EVC2: variants seen among roughly 807,000 people sequenced by gnomAD.
EVC2 encodes EvC ciliary complex subunit 2.
Under a neutral mutation model 149.3 loss-of-function variants are expected in EVC2, and 148 were observed. The observed-to-expected ratio is 0.99, with a 90% CI of 0.87 to 1.14. The LOEUF is 1.14. EVC2 is among the 50% of genes most tolerant of loss of function. The pLI, the probability that EVC2 is intolerant of heterozygous loss-of-function variation, is 0.00. For synonymous variants in EVC2, 776 were observed against 649.9 expected, an observed-to-expected ratio of 1.19 and a Z score of -2.95; for missense variants, 1,854 against 1,627.3, an observed-to-expected ratio of 1.14 and a Z score of -2.40.
rs74527951 is a variant in EVC2 at position 5,625,044 on chromosome 4, C to T, written c.2046+705G>A. On this transcript the variant is annotated intron_variant, in intron 13 of 21. Coordinates refer to ENST00000344408, the MANE Select transcript of EVC2 (RefSeq NM_147127.5). The surrounding 1 kb of genome is among the most constrained non-coding windows in gnomAD (Gnocchi z 4.0). ...GGGTTTGTATTCCCAGGTTCCTCAA[C>T]TCCATCTGACATGGTGCTCACCTCA... is the stretch of plus-strand genomic sequence containing the variant. Among the ~76,000 whole-genome samples the T allele has an allele frequency of 0.052, 7,854 of 152,114 alleles. 662 individuals are homozygous for T. Among genetic ancestry groups the T allele is most frequent in the African/African-American group, 0.18 (7,416 of 41,434 alleles).
upstream of EVC2, chr4:5,709,365 G>C (rs1416002044): frequency 6.6e-6 from 1 of 152,240 alleles, no homozygotes; most frequent in East Asian, 1.9e-4. Context: ...ACCTGTTGAC[G>C]GGGGAGGGCT....
At chr4:5,600,007 A>G (rs143924873) in intron 16 of EVC2, among the ~76,000 whole-genome samples, 1 of 152,362 alleles carries the variant, frequency 6.6e-6, no homozygotes, top group African/African-American at 2.4e-5. Flanking sequence ...AGATACTTCT[A>G]CCACCCCTAT....
At chr4:5,700,232 G>C (rs1169854562) in intron 1 of EVC2, among the ~76,000 whole-genome samples, 2 of 152,218 alleles carry the variant, frequency 1.3e-5, no homozygotes, top group African/African-American at 4.8e-5. Flanking sequence ...TCTGCGCTAT[G>C]TGCTCGATTT....
intron 7 of EVC2, among the ~76,000 whole-genome samples, chr4:5,667,715 C>T (rs1260971541): frequency 6.6e-6 from 1 of 152,218 alleles, no homozygotes; most frequent in East Asian, 1.9e-4. Context: ...GGGGTTGTGA[C>T]AACTCATGTG....
At chr4:5,665,700 T>C in intron 7 of EVC2, 51 bp from the exon 8 acceptor site, 4 of 1,603,742 alleles carry the variant, frequency 2.5e-6, no homozygotes, top group Non-Finnish European at 3.4e-6. Context: ...ACAGCATGTC[T>C]CCCAGGCCTC....
In EVC2 at chr4:5,567,833, A is replaced by G. The variant is rs1199724488; in HGVS notation, c.3557+611T>C. The stretch of plus-strand genomic sequence containing the variant: ...TAATATCCACCTGTGCCACGTGTCA[A>G]TAACATTGAAAGAATAAAATTTAAA... On this transcript the variant is annotated intron_variant, in intron 20 of 21. Coordinates refer to ENST00000344408, the MANE Select transcript of EVC2 (RefSeq NM_147127.5). This position sits in a 1 kb window ranked among gnomAD's most constrained non-coding sequence, Gnocchi z 4.4. 1.3e-5 allele frequency among the ~76,000 whole-genome samples: 2 copies of G among 152,244 alleles called. No individual in the cohort carries two copies. The highest frequency in any genetic ancestry group is 4.8e-5 in the African/African-American group (2 of 41,478).
chr4:5,575,093 G>A (rs1722843915), intron 18 of EVC2, among the ~76,000 whole-genome samples: 1 of 152,162 alleles, frequency 6.6e-6, no homozygotes, highest in African/African-American at 2.4e-5. Context: ...TCCTCATGGT[G>A]ATGACCAAGA....
chr4:5,663,290 T>A, intron 8 of EVC2, 44 bp from the exon 9 acceptor site: 3 of 1,612,626 alleles, frequency 1.9e-6, no homozygotes, highest in Non-Finnish European at 2.5e-6. Context: ...GGCCTTCTTG[T>A]GAATTCCACG....
chr4:5,697,689 T>G (rs1388199195), intron 1 of EVC2, 42 bp from the exon 2 acceptor site: 1 of 1,534,242 alleles, frequency 6.5e-7, no homozygotes, highest in African/African-American at 1.4e-5. Flanking sequence ...GAACACATAC[T>G]TCTGAGAAGT....
intron 4 of EVC2, 76 bp downstream of exon 4, chr4:5,691,189 A>G (rs1721093618): frequency 1.5e-6 from 2 of 1,294,662 alleles, no homozygotes. Flanking sequence ...GTTCTTAAAT[A>G]CATGACTCTA....
At position 5,708,269 on chromosome 4, in the gene EVC2, G is replaced by A; in HGVS notation, c.228+17C>T. 1 of 1,474,312 alleles carries A rather than the reference G, an allele frequency of 6.8e-7. No homozygotes were observed. The highest frequency in any genetic ancestry group is 8.9e-7 in the Non-Finnish European group (1 of 1,118,462). The allele number at this position is 1,474,312 out of a possible 1,614,324, so 91.3% of individuals were successfully genotyped here. On this transcript the variant is annotated intron_variant, in intron 1 of 21. Coordinates refer to ENST00000344408, the MANE Select transcript of EVC2 (RefSeq NM_147127.5). ...CCACTACAGTCAGACCGGAGCCTGG[G>A]GTCGGGCCCTCCTTACCTGCGTGCT...
At chr4:5,708,025 A>C in intron 1 of EVC2, 1 of 377,482 alleles carries the variant, frequency 2.6e-6, no homozygotes, top group Non-Finnish European at 4.7e-6. Flanking sequence ...GAAGCTCGTA[A>C]AATGGAGAGC....
upstream of EVC2, chr4:5,708,609 G>T: frequency 2.2e-6 from 2 of 897,552 alleles, no homozygotes; most frequent in Non-Finnish European, 3.1e-6. Context: ...CATGCTCAGT[G>T]CGAGCCGCCG....
chr4:5,636,090 C>T lies in EVC2; in HGVS notation c.1471-4058G>A, dbSNP rs902274382. On this transcript the variant is annotated intron_variant, in intron 10 of 21. Transcript: ENST00000344408. This position sits in a 1 kb window ranked among gnomAD's most constrained non-coding sequence, Gnocchi z 4.6. Reference sequence around the variant, plus strand: ...AGAATTAACTTACTTATACTCACAACAGCCCTCTAAGACCTCAGGCATCAT... The same window carrying T: ...AGAATTAACTTACTTATACTCACAATAGCCCTCTAAGACCTCAGGCATCAT... Among the ~76,000 whole-genome samples, 2 of 152,178 alleles carry T rather than the reference C, an allele frequency of 1.3e-5. No individual in the cohort carries two copies. Among genetic ancestry groups the T allele is most frequent in the Non-Finnish European group, 2.9e-5 (2 of 68,040 alleles).
At chr4:5,532,682 C>T in the EVC2 span, among the ~76,000 whole-genome samples, 1 of 152,210 alleles carries the variant, frequency 6.6e-6, no homozygotes, top group Non-Finnish European at 1.5e-5. Flanking sequence ...CCACTGCTGC[C>T]TCTGCACTGA....
Position 5,640,684 on chromosome 4 carries a change from T to A in EVC2, c.1300A>T (p.Lys434Ter). 1 of 1,614,128 alleles carries A rather than the reference T, an allele frequency of 6.2e-7. No individual in the cohort carries two copies. Among genetic ancestry groups the A allele is most frequent in the Non-Finnish European group, 8.5e-7 (1 of 1,180,018 alleles). The change falls in exon 10 of 22, where the codon AAG (lysine) becomes TAG (stop). Residue 434 changes from lysine (K) to a stop codon, truncating the protein, a stop_gained. Coordinates refer to ENST00000344408, the MANE Select transcript of EVC2 (RefSeq NM_147127.5). LOFTEE classifies it high-confidence loss of function. This position sits in a 1 kb window ranked among gnomAD's most constrained non-coding sequence, Gnocchi z 4.6. ...VERKMSAVFKKQFLLLENEIQ... is the reference protein window; with the variant it reads ...VERKMSAVFK ...TCATTTTCCAGCAATAGAAACTGCT[T>A]TTTGAAAACAGCACTCATTTTTCTC... is the stretch of plus-strand genomic sequence containing the variant.
chr4:5,535,374 C>T, the EVC2 span, among the ~76,000 whole-genome samples: 2 of 152,116 alleles, frequency 1.3e-5, no homozygotes, highest in South Asian at 2.1e-4. The surrounding 1 kb of genome is among the most constrained non-coding windows in gnomAD (Gnocchi z 4.7). Flanking sequence ...TCGTCTGATT[C>T]GTGAGGCCCA....
intron 16 of EVC2, among the ~76,000 whole-genome samples, chr4:5,589,727 T>C (rs980203014): frequency 6.6e-6 from 1 of 152,152 alleles, no homozygotes; most frequent in Non-Finnish European, 1.5e-5. Context: ...CACTGTTCCA[T>C]AGATTTTGTT....
chr4:5,547,401 C>A (rs928438401), intron 21 of EVC2, among the ~76,000 whole-genome samples: 2 of 152,216 alleles, frequency 1.3e-5, no homozygotes, highest in Non-Finnish European at 2.9e-5. Flanking sequence ...GGGGGCAGAT[C>A]CCCAGTGAGG....
Sources: allele counts gnomAD v4.1 joint callset (sites outside exome capture counted in the v4.1 genomes callset), GRCh38; gene constraint gnomAD v4.1.1; non-coding constraint Gnocchi (gnomAD v3.1); transcripts MANE v1.5; gene names NCBI Gene and HGNC (gene_info 2026-07-23, HGNC 2026-07-21).